The following RSRC1 variants were observed in gnomAD, a reference collection of about 807,000 sequenced individuals.
RSRC1 encodes the protein serine/Arginine-related protein 53.
A neutral mutation model predicts 49.1 loss-of-function variants in RSRC1; 39 were observed. That is an observed-to-expected ratio of 0.79 (90% CI 0.61 to 1.04). The LOEUF is 1.04. Among genes scored for constraint, RSRC1 ranks in the 50% least tolerant of loss-of-function variants. RSRC1 has a pLI of 0.00. For missense variants in RSRC1, 388 were observed against 402.4 expected (o/e 0.96, Z 0.31); for synonymous variants, 143 against 130.8 (o/e 1.09, Z -0.63).
intron 3 of RSRC1, among the ~76,000 whole-genome samples, chr3:158,137,213 TC>T (rs1201476507): frequency 6.6e-6 from 1 of 152,164 alleles, no homozygotes; most frequent in African/African-American, 2.4e-5. Context: ...TTGGGTATTC[TC>T]CCCTCACCTC....
intron 6 of RSRC1, among the ~76,000 whole-genome samples, chr3:158,383,535 A>T (rs1732817813): frequency 6.6e-6 from 1 of 152,150 alleles, no homozygotes; most frequent in Non-Finnish European, 1.5e-5. Flanking sequence ...ATGGAGGGAA[A>T]ATCATGAAGT....
At chr3:158,509,770 A>G (rs1015123536) in intron 7 of RSRC1, among the ~76,000 whole-genome samples, 2 of 152,178 alleles carry the variant, frequency 1.3e-5, no homozygotes, top group African/African-American at 4.8e-5. Flanking sequence ...CTATAGTTGT[A>G]GTTTATTCAT....
At chr3:158,145,615 G>A (rs1410855403) in intron 3 of RSRC1, among the ~76,000 whole-genome samples, 5 of 152,130 alleles carry the variant, frequency 3.3e-5, no homozygotes, top group African/African-American at 1.2e-4. Flanking sequence ...GGCAATGCGG[G>A]CTCTTTTTTG....
rs1473177703 is a variant in RSRC1, at chr3:158,440,867, A to G, written c.584-20068A>G. ...CGAGGTAGGAGAATTGCTTGAACCC[A>G]GGAGGCAGAGCTTGCAGAGACCCGA... On this transcript the variant is annotated intron_variant, in intron 6 of 9. Transcript: ENST00000611884. Among the ~76,000 whole-genome samples the G allele has an allele frequency of 2.0e-5, 3 of 152,130 alleles. No homozygotes were observed. The South Asian group carries it at 6.2e-4, about 32-fold the overall frequency.
At chr3:158,196,230 G>T (rs1720604972) in intron 3 of RSRC1, among the ~76,000 whole-genome samples, 1 of 151,898 alleles carries the variant, frequency 6.6e-6, no homozygotes, top group South Asian at 2.1e-4. Flanking sequence ...CTTGTAAGTT[G>T]GATTCCTAGG....
At chr3:158,276,628 A>T (rs1287180755) in intron 4 of RSRC1, among the ~76,000 whole-genome samples, 1 of 152,146 alleles carries the variant, frequency 6.6e-6, no homozygotes, top group Non-Finnish European at 1.5e-5. Context: ...TTTTTTAAAT[A>T]ATCATTTTCT....
At chr3:158,515,369 G>T (rs1740456082) in intron 7 of RSRC1, among the ~76,000 whole-genome samples, 1 of 126,440 alleles carries the variant, frequency 7.9e-6, no homozygotes, top group South Asian at 2.9e-4. Context: ...GCTTAGTTTG[G>T]CTGGATATGA....
chr3:158,186,576 A>G (rs1719944159), intron 3 of RSRC1, among the ~76,000 whole-genome samples: 1 of 151,968 alleles, frequency 6.6e-6, no homozygotes, highest in Non-Finnish European at 1.5e-5. Context: ...GAGTGATGCC[A>G]AGCATCTGTG....
chr3:158,336,618 T>C (rs991073756), intron 5 of RSRC1: 1 of 152,138 alleles, frequency 6.6e-6, no homozygotes, highest in African/African-American at 2.4e-5. Context: ...TCTTATTTGG[T>C]GAGAATAAAT....
At chr3:158,136,170 C>G (rs1716358385) in intron 3 of RSRC1, among the ~76,000 whole-genome samples, 1 of 152,154 alleles carries the variant, frequency 6.6e-6, no homozygotes, top group Non-Finnish European at 1.5e-5. Context: ...CTGAATCAGC[C>G]TGAGTCTCAG....
At chr3:158,469,534 A>T (rs1738034603) in intron 7 of RSRC1, 1 of 198,298 alleles carries the variant, frequency 5.0e-6, no homozygotes, top group African/African-American at 2.4e-5. Flanking sequence ...TAGAATGGTT[A>T]TAGCTAAAGC....
chr3:158,356,673 T>C (rs1239195951), intron 6 of RSRC1, among the ~76,000 whole-genome samples: 1 of 152,138 alleles, frequency 6.6e-6, no homozygotes, highest in African/African-American at 2.4e-5. Context: ...TTACATAATA[T>C]GCATGGCATT....
chr3:158,162,858 A>G (rs1226950613), intron 3 of RSRC1, among the ~76,000 whole-genome samples: 2 of 152,164 alleles, frequency 1.3e-5, no homozygotes, highest in Non-Finnish European at 2.9e-5. Flanking sequence ...GGAAAAGTTA[A>G]GTATTCTAAA....
At chr3:158,162,561 T>C (rs1278937393) in intron 3 of RSRC1, among the ~76,000 whole-genome samples, 1 of 152,218 alleles carries the variant, frequency 6.6e-6, no homozygotes, top group African/African-American at 2.4e-5. Flanking sequence ...TAACTTGGTT[T>C]ATTAAAATCT....
intron 6 of RSRC1, among the ~76,000 whole-genome samples, chr3:158,401,163 A>G (rs1006676796): frequency 1.3e-5 from 2 of 152,012 alleles, no homozygotes; most frequent in African/African-American, 4.8e-5. Flanking sequence ...ACACCCTATG[A>G]TGGTCACACG....
chr3:158,297,631 G>A (rs10470472), intron 4 of RSRC1, among the ~76,000 whole-genome samples: 104,922 of 151,720 alleles, frequency 0.69, 36,707 homozygotes, highest in East Asian at 0.85. Context: ...AATATAATAA[G>A]ATGTGAGTTA....
At chr3:158,139,879 G>T (rs144562967) in intron 3 of RSRC1, among the ~76,000 whole-genome samples, 3 of 152,134 alleles carry the variant, frequency 2.0e-5, no homozygotes, top group East Asian at 3.9e-4. Context: ...TAATCTGCCC[G>T]CCTTGGCCTC....
intron 3 of RSRC1, among the ~76,000 whole-genome samples, chr3:158,127,265 C>G (rs1469584075): frequency 6.6e-6 from 1 of 152,018 alleles, no homozygotes; most frequent in Non-Finnish European, 1.5e-5. Context: ...ACAGTAAACT[C>G]TCTGTTTCTT....
chr3:158,471,029 G>C (rs1277097902), intron 7 of RSRC1, among the ~76,000 whole-genome samples: 1 of 152,194 alleles, frequency 6.6e-6, no homozygotes, highest in African/African-American at 2.4e-5. Context: ...TGTTGGACTA[G>C]AGCCCAGGCT....
Sources: allele counts gnomAD v4.1 joint callset (sites outside exome capture counted in the v4.1 genomes callset), GRCh38; gene constraint gnomAD v4.1.1; transcripts MANE v1.5; gene names NCBI Gene and HGNC (gene_info 2026-07-23, HGNC 2026-07-21).